The following TACR1 variants were observed in gnomAD, a reference collection of about 807,000 sequenced individuals.
The protein encoded by TACR1 is tachykinin receptor 1, also known as substance-P receptor.
A neutral mutation model predicts 35.8 loss-of-function variants in TACR1; 25 were observed. The observed-to-expected ratio is 0.70, with a 90% CI of 0.51 to 0.98. The LOEUF (loss-of-function observed/expected upper bound fraction) is 0.98. Among genes scored for constraint, TACR1 ranks in the 50% least tolerant of loss-of-function variants. The pLI, the probability that TACR1 is intolerant of heterozygous loss-of-function variation, is 0.00. For missense variants in TACR1, 478 were observed against 522.9 expected (o/e 0.91, Z 0.84); for synonymous variants, 195 against 206.7 (o/e 0.94, Z 0.48).
intron 2 of TACR1, among the ~76,000 whole-genome samples, chr2:75,059,172 G>GCATTAC (rs1672624289): frequency 6.6e-6 from 1 of 152,150 alleles, no homozygotes; most frequent in African/African-American, 2.4e-5. Context: ...CCAATCCAGT[G>GCATTAC]CATTACCATT....
intron 1 of TACR1, among the ~76,000 whole-genome samples, chr2:75,177,123 A>G (rs191602124): frequency 2.1e-5 from 3 of 144,240 alleles, no homozygotes; most frequent in African/African-American, 5.2e-5. Context: ...CCCCACCACC[A>G]CTTCCAGAAT....
In TACR1 at chr2:75,195,376, C is replaced by G. The variant is rs139002997; in HGVS notation, c.389+3170G>C. 6.1e-3 allele frequency among the ~76,000 whole-genome samples: 910 copies of G among 150,228 alleles called. 13 individuals are homozygous for G. Among genetic ancestry groups the G allele is most frequent in the African/African-American group, 0.022 (872 of 40,126 alleles). On this transcript the variant is annotated intron_variant, in intron 1 of 4. Transcript: ENST00000305249. ...CACCTCCCACTTTTCTTCCCTCTTC[C>G]CTCCTTCTCCTACCTTCCCTTCCTT...
At chr2:75,072,076 AGG>A (rs1672893318) in intron 2 of TACR1, among the ~76,000 whole-genome samples, 1 of 152,170 alleles carries the variant, frequency 6.6e-6, no homozygotes, top group African/African-American at 2.4e-5. Flanking sequence ...TGTTTAGTCT[AGG>A]GGGAGCACAG....
intron 1 of TACR1, among the ~76,000 whole-genome samples, chr2:75,162,813 G>A (rs3821319): frequency 8.5e-5 from 13 of 152,112 alleles, no homozygotes; most frequent in Non-Finnish European, 1.6e-4. Flanking sequence ...CAAAAATTTT[G>A]TTGATGTTTC....
intron 1 of TACR1, among the ~76,000 whole-genome samples, chr2:75,195,480 T>C (rs1297800431): frequency 6.6e-6 from 1 of 151,990 alleles, no homozygotes; most frequent in African/African-American, 2.4e-5. Context: ...TTTAAATTAG[T>C]ACTGCAATCT....
At chr2:75,063,809 A>G (rs1213017916) in intron 2 of TACR1, among the ~76,000 whole-genome samples, 1 of 152,238 alleles carries the variant, frequency 6.6e-6, no homozygotes, top group African/African-American at 2.4e-5. Flanking sequence ...TTAATCGTTG[A>G]ACAAATGAAC....
At chr2:75,114,090 C>T (rs1673805726) in intron 2 of TACR1, among the ~76,000 whole-genome samples, 1 of 152,018 alleles carries the variant, frequency 6.6e-6, no homozygotes, top group African/African-American at 2.4e-5. Flanking sequence ...ACAGTTGGTA[C>T]CTGTAGAGAA....
At chr2:75,122,034 A>G (rs2103912198) in intron 1 of TACR1, among the ~76,000 whole-genome samples, 1 of 152,282 alleles carries the variant, frequency 6.6e-6, no homozygotes, top group South Asian at 2.1e-4. Context: ...ATAAATTCCC[A>G]CTGGACACCT....
intron 1 of TACR1, among the ~76,000 whole-genome samples, chr2:75,182,739 T>A (rs1675588656): frequency 6.6e-6 from 1 of 152,204 alleles, no homozygotes. Flanking sequence ...ATTCTATATA[T>A]AGCCCAAGTG....
chr2:75,172,044 A>G (rs530660614), intron 1 of TACR1, among the ~76,000 whole-genome samples: 3 of 152,320 alleles, frequency 2.0e-5, no homozygotes, highest in Admixed American at 1.3e-4. Context: ...CAGTATGAAA[A>G]TGGACTAATG....
At chr2:75,054,005 T>G (rs903353508) in intron 2 of TACR1, among the ~76,000 whole-genome samples, 1 of 152,124 alleles carries the variant, frequency 6.6e-6, no homozygotes, top group Non-Finnish European at 1.5e-5. Context: ...TGAATACTCC[T>G]GTTCAGATTA....
chr2:75,105,701 C>T (rs1333668994), intron 2 of TACR1, among the ~76,000 whole-genome samples: 1 of 151,924 alleles, frequency 6.6e-6, no homozygotes, highest in Non-Finnish European at 1.5e-5. Context: ...AGTAGTAAGT[C>T]ATATTGATAG....
intron 2 of TACR1, among the ~76,000 whole-genome samples, chr2:75,069,110 C>T (rs1254151556): frequency 6.6e-6 from 1 of 151,976 alleles, no homozygotes; most frequent in Non-Finnish European, 1.5e-5. Context: ...GAGGGGGTTC[C>T]CCTGCACCAG....
intron 1 of TACR1, among the ~76,000 whole-genome samples, chr2:75,182,208 T>G (rs2104050624): frequency 6.6e-6 from 1 of 152,324 alleles, no homozygotes; most frequent in African/African-American, 2.4e-5. Flanking sequence ...TTGTGGCTGT[T>G]GCCTTTTTAT....
intron 1 of TACR1, chr2:75,154,402 G>GCA (rs1674758099): frequency 2.1e-5 from 1 of 47,832 alleles, no homozygotes; most frequent in African/African-American, 1.8e-4. Context: ...TCAGCCAAGA[G>GCA]CGCGCACGCA....
rs1384919756 is a variant in TACR1, at chr2:75,176,226, A to G, written c.389+22320T>C. 3.9e-5 allele frequency among the ~76,000 whole-genome samples: 6 copies of G among 151,966 alleles called. No homozygotes were observed. The South Asian group carries it at 1.0e-3, about 26-fold the overall frequency. On this transcript the variant is annotated intron_variant, in intron 1 of 4. Transcript: ENST00000305249. Reference sequence around the variant, plus strand: ...TTTTTCTCATTCTCTTTTATAATACAGTTAGGACATTATATTGATTTTTTT... The same window carrying G: ...TTTTTCTCATTCTCTTTTATAATACGGTTAGGACATTATATTGATTTTTTT...
chr2:75,090,882 T>A, intron 2 of TACR1: 1 of 153,902 alleles, frequency 6.5e-6, no homozygotes, highest in Middle Eastern at 5.4e-4. Flanking sequence ...CTCAGGACAC[T>A]TCTGAACTTG....
intron 1 of TACR1, among the ~76,000 whole-genome samples, chr2:75,131,761 C>G (rs1391074702): frequency 6.6e-6 from 1 of 152,098 alleles, no homozygotes; most frequent in Non-Finnish European, 1.5e-5. Context: ...CAAAAGTATA[C>G]TACATAGTAT....
chr2:75,112,751 A>G (rs1673775882), intron 2 of TACR1, among the ~76,000 whole-genome samples: 1 of 152,156 alleles, frequency 6.6e-6, no homozygotes, highest in Admixed American at 6.5e-5. Context: ...GCATTTCTTG[A>G]GACAAATATA....
Sources: gnomAD v4.1 joint callset for allele counts (sites outside exome capture counted in the v4.1 genomes callset) on GRCh38, gnomAD v4.1.1 for gene constraint, MANE v1.5 for transcripts, NCBI Gene and HGNC (gene_info 2026-07-23, HGNC 2026-07-21) for gene names.